Variants in TRMO observed in about 807,000 individuals in gnomAD.
The protein encoded by TRMO is tRNA methyltransferase O.
TRMO carries 30 observed loss-of-function variants against 37.2 expected under a neutral mutation model. That is an observed-to-expected ratio of 0.81 (90% CI 0.60 to 1.09). The LOEUF is 1.09. Among genes scored for constraint, TRMO ranks in the 50% least tolerant of loss-of-function variants. The probability of loss-of-function intolerance (pLI) is 0.00; values close to 1 mark genes in which losing one functional copy is unlikely to be tolerated. For synonymous variants in TRMO, 239 were observed against 199.4 expected (o/e 1.20, Z -1.67); for missense variants, 552 against 549.5 (o/e 1.00, Z -0.05).
chr9:97,916,244 TC>T lies in TRMO; in HGVS notation c.170del (p.Arg57GlnfsTer4), dbSNP rs1305678239. On this transcript the variant is annotated frameshift_variant, in exon 2 of 5. Coordinates refer to ENST00000375119, the MANE Select transcript of TRMO (RefSeq NM_016481.5). LOFTEE classifies it high-confidence loss of function. ...PRQPSICSYS[R>X]ACLRIRKRIF... The stretch of plus-strand genomic sequence containing the variant: ...TCCTCTTTCTAATCCTCAAACAGGC[TC>T]GAGAATAGCTACAAATGGATGGCTG... 6.2e-7 allele frequency: 1 copy of T among 1,613,578 alleles called. No individual in the cohort carries two copies.
At chr9:97,905,997 T>TAC (rs1587828769) in intron 4 of TRMO, among the ~76,000 whole-genome samples, 1 of 151,868 alleles carries the variant, frequency 6.6e-6, no homozygotes. Flanking sequence ...CTACTAAAAA[T>TAC]ACACACACAC....
intron 2 of TRMO, 77 bp from the exon 3 acceptor site, chr9:97,913,635 A>G (rs1564110471): frequency 4.4e-6 from 4 of 912,656 alleles, no homozygotes; most frequent in South Asian, 1.5e-5. Context: ...TCTGATGGGG[A>G]AAAAAATGCA....
intron 3 of TRMO, chr9:97,913,123 T>G: frequency 2.1e-6 from 1 of 466,192 alleles, no homozygotes; most frequent in Non-Finnish European, 3.9e-6. Context: ...CTTTGGTTAC[T>G]AATTTAATGA....
chr9:97,914,831 G>A (rs1485338968), intron 2 of TRMO, among the ~76,000 whole-genome samples: 1 of 140,214 alleles, frequency 7.1e-6, no homozygotes, highest in Non-Finnish European at 1.6e-5. Flanking sequence ...AAAATTAAAA[G>A]GTCTGGCAGG....
Position 97,909,410 on chromosome 9 carries a change from T to C in TRMO, c.1066+550A>G, listed in dbSNP as rs990560565. ...GTAAGCAGGCTCCATGTAAGAGCCC[T>C]GTGGCCTCTCTTCTGCAGCAAAGTG... On this transcript the variant is annotated intron_variant, in intron 4 of 4. Transcript: ENST00000375119. Among the ~76,000 whole-genome samples, 10 of 152,320 alleles carry C rather than the reference T, an allele frequency of 6.6e-5. No individual in the cohort carries two copies. The East Asian group carries it at 1.4e-3, about 21-fold the overall frequency.
chr9:97,905,008 C>A lies in TRMO; in HGVS notation c.1067-16G>T, dbSNP rs1825798884. ...TGACCAACATCTGCAATGAAAAAAA[C>A]ACAACTTAATGAGCACTATCATGCA... On this transcript the variant is annotated splice_polypyrimidine_tract_variant and intron_variant, in intron 4 of 4. Coordinates refer to ENST00000375119, the MANE Select transcript of TRMO (RefSeq NM_016481.5). The A allele has an allele frequency of 6.2e-7, 1 of 1,609,554 alleles. No individual in the cohort carries two copies. The highest frequency in any genetic ancestry group is 1.7e-4 in the Middle Eastern group (1 of 6,050).
Position 97,910,143 on chromosome 9 carries a change from C to G in TRMO, c.883G>C (p.Ala295Pro), listed in dbSNP as rs757021170. The G allele has an allele frequency of 6.2e-7, 1 of 1,614,072 alleles. No individual in the cohort carries two copies. The highest frequency in any genetic ancestry group is 8.5e-7 in the Non-Finnish European group (1 of 1,180,032). Residue 295 changes from alanine to proline, a missense_variant, in exon 4 of 5, where the codon GCA (alanine) becomes CCA (proline). Transcript: ENST00000375119. ...TDKKLERVEG[A>P]AVLQGSRAET... is the part of the protein sequence containing the mutation. Reference sequence around the variant, plus strand: ...GCCCTGCTTCCTTGCAAGACTGCTGCTCCTTCCACTCTTTCTAGCTTCTTG... The same window carrying G: ...GCCCTGCTTCCTTGCAAGACTGCTGGTCCTTCCACTCTTTCTAGCTTCTTG...
intron 4 of TRMO, among the ~76,000 whole-genome samples, chr9:97,905,742 G>A (rs577794693): frequency 6.6e-6 from 1 of 152,310 alleles, no homozygotes; most frequent in South Asian, 2.1e-4. Flanking sequence ...TGTGGTGGCA[G>A]TGGATCTTTA....
At chr9:97,916,680 G>A (rs1472706716) in intron 1 of TRMO, among the ~76,000 whole-genome samples, 1 of 151,034 alleles carries the variant, frequency 6.6e-6, no homozygotes, top group Non-Finnish European at 1.5e-5. Context: ...TGTGACTCTG[G>A]CCAGGGCTAT....
At chr9:97,921,419 G>C (rs1166736865) in intron 1 of TRMO, among the ~76,000 whole-genome samples, 1 of 148,026 alleles carries the variant, frequency 6.8e-6, no homozygotes, top group Non-Finnish European at 1.5e-5. Context: ...AAAACAAAGT[G>C]TTAATTTTTT....
chr9:97,903,878 G>A (rs1247204184), downstream of TRMO, among the ~76,000 whole-genome samples: 1 of 152,168 alleles, frequency 6.6e-6, no homozygotes, highest in East Asian at 1.9e-4. Context: ...TGGATCACGA[G>A]GTCAGGAATT....
chr9:97,921,617 G>A (rs1251687899), intron 1 of TRMO, among the ~76,000 whole-genome samples: 2 of 151,888 alleles, frequency 1.3e-5, no homozygotes, highest in African/African-American at 4.8e-5. Context: ...GTAGAGACGA[G>A]GTTTCACCGT....
At chr9:97,911,717 A>G (rs1305480662) in intron 3 of TRMO, 1 of 152,168 alleles carries the variant, frequency 6.6e-6, no homozygotes, top group Non-Finnish European at 1.5e-5. Context: ...ATAAGTCAGC[A>G]TTACCAAATA....
chr9:97,898,023 T>C, the TRMO span, among the ~76,000 whole-genome samples: 5 of 152,278 alleles, frequency 3.3e-5, no homozygotes, highest in African/African-American at 4.8e-5. Flanking sequence ...ACCAGCACGC[T>C]TGGCTTCCTA....
Position 97,910,286 on chromosome 9 carries a change from T to A in TRMO, c.740A>T (p.His247Leu). The A allele has an allele frequency of 6.2e-7, 1 of 1,614,270 alleles. No individual in the cohort carries two copies. Among genetic ancestry groups the A allele is most frequent in the Non-Finnish European group, 8.5e-7 (1 of 1,180,042 alleles). Reference sequence around the variant, plus strand: ...ACCAAAATCCACTGCTATCTCCCTGTGCATAGGAAATGCTTGCTGAATTCT... The same window carrying A: ...ACCAAAATCCACTGCTATCTCCCTGAGCATAGGAAATGCTTGCTGAATTCT... ...TARIQQAFPMHREIAVDFGLE... is the reference protein window; with the variant it reads ...TARIQQAFPMLREIAVDFGLE... Residue 247 changes from histidine to leucine, a missense_variant, in exon 4 of 5, where the codon CAC becomes CTC. Transcript: ENST00000375119.
intron 1 of TRMO, among the ~76,000 whole-genome samples, chr9:97,920,212 G>T (rs973223229): frequency 1.3e-5 from 2 of 152,154 alleles, no homozygotes; most frequent in African/African-American, 4.8e-5. Context: ...CGTCCTCAAG[G>T]GTTTCCAGTA....
At chr9:97,920,960 G>A (rs1826598521) in intron 1 of TRMO, among the ~76,000 whole-genome samples, 1 of 152,186 alleles carries the variant, frequency 6.6e-6, no homozygotes, top group South Asian at 2.1e-4. Flanking sequence ...CCACCTCCCT[G>A]TTCCATCCAA....
At chr9:97,913,336 G>C in intron 3 of TRMO, 65 bp downstream of exon 3, 4 of 1,596,618 alleles carry the variant, frequency 2.5e-6, no homozygotes, top group Non-Finnish European at 3.4e-6. Flanking sequence ...AGTGGTGAAT[G>C]CTGTTTATTT....
intron 1 of TRMO, among the ~76,000 whole-genome samples, chr9:97,919,111 AGTTTTTT>A (rs1826500102): frequency 6.6e-6 from 1 of 152,164 alleles, no homozygotes; most frequent in Non-Finnish European, 1.5e-5. Flanking sequence ...CATTGTTTTT[AGTTTTTT>A]GTTTTTTCTT....
Sources: gnomAD v4.1 joint callset for allele counts (sites outside exome capture counted in the v4.1 genomes callset) on GRCh38, gnomAD v4.1.1 for gene constraint, MANE v1.5 for transcripts, NCBI Gene and HGNC (gene_info 2026-07-23, HGNC 2026-07-21) for gene names.